The following DMRT1 variants were observed in gnomAD, a reference collection of about 807,000 sequenced individuals.
The protein encoded by DMRT1 is doublesex and mab-3 related transcription factor 1, also known as doublesex- and mab-3-related transcription factor 1.
DMRT1 carries 7 observed loss-of-function variants against 32.3 expected under a neutral mutation model. The observed-to-expected ratio is 0.22, with a 90% CI of 0.12 to 0.41. DMRT1 has a LOEUF of 0.41. Among genes scored for constraint, DMRT1 ranks in the 10% least tolerant of loss-of-function variants. The pLI, the probability that DMRT1 is intolerant of heterozygous loss-of-function variation, is 1.00. For synonymous variants in DMRT1, 278 were observed against 206.1 expected, an observed-to-expected ratio of 1.35 and a Z score of -2.99; for missense variants, 625 against 500.5, an observed-to-expected ratio of 1.25 and a Z score of -2.37.
At chr9:942,387 C>T (rs1324161235) in intron 4 of DMRT1, among the ~76,000 whole-genome samples, 1 of 152,176 alleles carries the variant, frequency 6.6e-6, no homozygotes, top group Non-Finnish European at 1.5e-5. Context: ...CATCCTCCTG[C>T]CTCAGCCTCC....
In DMRT1 at chr9:942,461, T is replaced by C. The variant is rs542291128; in HGVS notation, c.968-25524T>C. 3.3e-5 allele frequency among the ~76,000 whole-genome samples: 5 copies of C among 152,138 alleles called. No homozygotes were observed. In the South Asian group the frequency reaches 6.2e-4, roughly 19 times the overall value. Reference sequence around the variant, plus strand: ...GCTAATTTTTAATATTTTGTAGCGATGGGGTTTAGCCATGTTGCCGAAGCT... The same window carrying C: ...GCTAATTTTTAATATTTTGTAGCGACGGGGTTTAGCCATGTTGCCGAAGCT... On this transcript the variant is annotated intron_variant, in intron 4 of 4. Coordinates refer to ENST00000382276, the MANE Select transcript of DMRT1 (RefSeq NM_021951.3).
At chr9:933,620 T>A (rs1818794847) in intron 4 of DMRT1, among the ~76,000 whole-genome samples, 1 of 152,168 alleles carries the variant, frequency 6.6e-6, no homozygotes, top group Non-Finnish European at 1.5e-5. Context: ...ACCTGCACCA[T>A]CCAGTACAGC....
At chr9:950,496 G>C (rs1457118470) in intron 4 of DMRT1, among the ~76,000 whole-genome samples, 1 of 152,102 alleles carries the variant, frequency 6.6e-6, no homozygotes, top group Non-Finnish European at 1.5e-5. Flanking sequence ...TTTAAAATCT[G>C]TCAAGTAAGG....
At chr9:925,690 G>A (rs997691892) in intron 4 of DMRT1, among the ~76,000 whole-genome samples, 1 of 152,092 alleles carries the variant, frequency 6.6e-6, no homozygotes, top group African/African-American at 2.4e-5. Flanking sequence ...AAACACACGT[G>A]CAGCTCCTCC....
chr9:944,897 A>C (rs2129926466), intron 4 of DMRT1, among the ~76,000 whole-genome samples: 1 of 152,188 alleles, frequency 6.6e-6, no homozygotes, highest in East Asian at 1.9e-4. Context: ...GACCACCTAC[A>C]AAGTTAACAA....
intron 2 of DMRT1, among the ~76,000 whole-genome samples, chr9:880,385 T>G (rs947776648): frequency 6.6e-6 from 1 of 152,162 alleles, no homozygotes; most frequent in Non-Finnish European, 1.5e-5. Flanking sequence ...TTTTAAAGTT[T>G]TAACATTTTC....
At position 890,083 on chromosome 9, in the gene DMRT1, G is replaced by GGGTTTTTT. The variant is rs1273507545; in HGVS notation, c.539-3829_539-3828insGGTTTTTT. Among the ~76,000 whole-genome samples, 226 of 108,782 alleles carry GGGTTTTTT rather than the reference G, an allele frequency of 2.1e-3. 6 individuals are homozygous for GGGTTTTTT. The highest frequency in any genetic ancestry group is 4.9e-3 in the Middle Eastern group (1 of 204). The allele number at this position is 108,782 out of a possible 152,430, so 71.4% of individuals were successfully genotyped here. A position where few individuals can be genotyped will look rare whatever the true frequency, so the allele number is the denominator to read the frequency against. On this transcript the variant is annotated intron_variant, in intron 2 of 4. Transcript: ENST00000382276. ...AAACCACCACTTAACGCCACCAAAC[G>GGGTTTTTT]TGTTTTTTTTTTTTTTTTTTTTTGA...
chr9:891,164 A>AC (rs1817133459), intron 2 of DMRT1, among the ~76,000 whole-genome samples: 2 of 150,550 alleles, frequency 1.3e-5, no homozygotes, highest in African/African-American at 4.9e-5. Flanking sequence ...ACATAGTGAG[A>AC]CCCCATCTCT....
At chr9:916,973 T>C in intron 4 of DMRT1, 66 bp downstream of exon 4, 1 of 1,565,650 alleles carries the variant, frequency 6.4e-7, no homozygotes, top group Non-Finnish European at 8.8e-7. Context: ...TATTGGGTCA[T>C]TAGCTGTGTC....
chr9:890,399 T>C (rs1158351693), intron 2 of DMRT1, among the ~76,000 whole-genome samples: 1 of 152,172 alleles, frequency 6.6e-6, no homozygotes, highest in Non-Finnish European at 1.5e-5. Flanking sequence ...AGGAAAGGAA[T>C]AGAATAAAAC....
At chr9:899,842 C>T (rs1044792008) in intron 3 of DMRT1, among the ~76,000 whole-genome samples, 3 of 152,196 alleles carry the variant, frequency 2.0e-5, no homozygotes, top group African/African-American at 4.8e-5. Flanking sequence ...CTATGGCAGG[C>T]GCCCTCTTGA....
At chr9:902,100 G>A (rs188006078) in intron 3 of DMRT1, among the ~76,000 whole-genome samples, 6 of 151,210 alleles carry the variant, frequency 4.0e-5, no homozygotes, top group Non-Finnish European at 8.8e-5. Context: ...AGTCGAGATG[G>A]GGTTTTGCCA....
intron 2 of DMRT1, among the ~76,000 whole-genome samples, chr9:855,397 C>G (rs1033106589): frequency 6.6e-6 from 1 of 152,210 alleles, no homozygotes; most frequent in Non-Finnish European, 1.5e-5. Flanking sequence ...AAAATCTAAT[C>G]TTTAAGGACA....
At chr9:931,272 G>T (rs1324493879) in intron 4 of DMRT1, among the ~76,000 whole-genome samples, 1 of 152,132 alleles carries the variant, frequency 6.6e-6, no homozygotes, top group Non-Finnish European at 1.5e-5. Flanking sequence ...ACTATTAGAG[G>T]ACCAAGAAAA....
At chr9:957,257 G>C (rs145717516) in intron 4 of DMRT1, among the ~76,000 whole-genome samples, 54 of 152,216 alleles carry the variant, frequency 3.5e-4, no homozygotes, top group African/African-American at 1.3e-3. Context: ...GAGAGAAGAA[G>C]GCACAGTAAC....
intron 2 of DMRT1, among the ~76,000 whole-genome samples, chr9:884,943 C>G (rs1296991801): frequency 2.0e-5 from 3 of 152,238 alleles, no homozygotes; most frequent in African/African-American, 7.2e-5. Context: ...ACACTCCAGC[C>G]TGGGCAACAG....
intron 3 of DMRT1, among the ~76,000 whole-genome samples, chr9:905,933 A>G (rs555803230): frequency 1.3e-5 from 2 of 152,148 alleles, no homozygotes; most frequent in East Asian, 1.9e-4. Context: ...CTTTCCTTGC[A>G]GGGCAGTGCA....
intron 4 of DMRT1, among the ~76,000 whole-genome samples, chr9:942,177 G>C (rs1819096369): frequency 6.6e-6 from 1 of 152,116 alleles, no homozygotes; most frequent in East Asian, 1.9e-4. Context: ...TAAATCTTTT[G>C]ATTAACTTTT....
chr9:949,114 A>G lies in DMRT1; in HGVS notation c.968-18871A>G, dbSNP rs561506688. Among the ~76,000 whole-genome samples the G allele has an allele frequency of 5.9e-5, 9 of 151,786 alleles. No homozygotes were observed. In the South Asian group the frequency reaches 1.9e-3, roughly 32 times the overall value. ...TCTTAAAAAACAAAACAAAACAAAA[A>G]CACACACTTGCCAGGTGCAGTGTCT... On this transcript the variant is annotated intron_variant, in intron 4 of 4. Coordinates refer to ENST00000382276, the MANE Select transcript of DMRT1 (RefSeq NM_021951.3).
Sources: gnomAD v4.1 joint callset for allele counts (sites outside exome capture counted in the v4.1 genomes callset) on GRCh38, gnomAD v4.1.1 for gene constraint, MANE v1.5 for transcripts, NCBI Gene and HGNC (gene_info 2026-07-23, HGNC 2026-07-21) for gene names.